The following TPPP2 variants were observed in gnomAD, a reference collection of about 807,000 sequenced individuals.
TPPP2 encodes tubulin polymerization-promoting protein family member 2.
Under a neutral mutation model 13.0 loss-of-function variants are expected in TPPP2, and 8 were observed. The observed-to-expected ratio is 0.62, with a 90% confidence interval of 0.36 to 1.11. The LOEUF (loss-of-function observed/expected upper bound fraction) is 1.11. Ranked by LOEUF, TPPP2 falls within the 50% of genes most tolerant of loss-of-function variation. TPPP2 has a pLI of 0.02. For synonymous variants in TPPP2, 81 were observed against 81.8 expected, an observed-to-expected ratio of 0.99 and a Z score of 0.05; for missense variants, 213 against 216.9, an observed-to-expected ratio of 0.98 and a Z score of 0.11.
chr14:21,031,432 G>C lies in TPPP2; in HGVS notation c.327+267G>C, dbSNP rs180675343. On this transcript the variant is annotated intron_variant, in intron 3 of 3. Transcript: ENST00000321760. ...AGGCAATTAGGGCTTGGTAGCTTTTGGAGGACATTAGTGTAGAGAATTTGG... is the reference window on the plus strand; with the variant it reads ...AGGCAATTAGGGCTTGGTAGCTTTTCGAGGACATTAGTGTAGAGAATTTGG... 135 of 486,008 alleles carry C rather than the reference G, an allele frequency of 2.8e-4. 1 individual carries two copies. Among genetic ancestry groups the C allele is most frequent in the African/African-American group, 2.0e-3 (100 of 50,964 alleles). The allele number at this position is 486,008 out of a possible 1,614,324, so 30.1% of individuals were successfully genotyped here. A position where few individuals can be genotyped will look rare whatever the true frequency, so the allele number is the denominator to read the frequency against.
At chr14:21,033,093 C>T (rs1208376701), downstream of TPPP2, 3 of 414,196 alleles carry the variant, frequency 7.2e-6, no homozygotes, top group East Asian at 7.1e-5. Flanking sequence ...AGAGAAGATA[C>T]CTTGAAATGC....
rs777662896 is a variant in TPPP2 at position 21,032,289 on chromosome 14, C to T, written c.*212C>T. On this transcript the variant is annotated 3_prime_UTR_variant, in exon 4 of 4. Coordinates refer to ENST00000321760, the MANE Select transcript of TPPP2 (RefSeq NM_173846.5). Reference sequence around the variant, plus strand: ...TTCGCTCTGCTTAGCCTTATGCCTACCAGCCATCAGTTAGCATTCCTCCTC... The same window carrying T: ...TTCGCTCTGCTTAGCCTTATGCCTATCAGCCATCAGTTAGCATTCCTCCTC... 1 of 661,936 alleles carries T rather than the reference C, an allele frequency of 1.5e-6. No homozygotes were observed. Among genetic ancestry groups the T allele is most frequent in the Non-Finnish European group, 2.8e-6 (1 of 359,360 alleles). The allele number at this position is 661,936 out of a possible 1,614,324, so 41.0% of individuals were successfully genotyped here. A position where few individuals can be genotyped will look rare whatever the true frequency, so the allele number is the denominator to read the frequency against.
chr14:21,028,260 TG>T (rs1438179851), upstream of TPPP2, among the ~76,000 whole-genome samples: 1 of 152,028 alleles, frequency 6.6e-6, no homozygotes, highest in African/African-American at 2.4e-5. Context: ...TGTTTTGTTT[TG>T]TTTTGTTTTT....
At chr14:21,028,313 A>G (rs1883833638), upstream of TPPP2, 1 of 152,230 alleles carries the variant, frequency 6.6e-6, no homozygotes, top group Admixed American at 6.5e-5. Flanking sequence ...GTGCGCTGAC[A>G]CAATCCTAGT....
At chr14:21,034,863 C>G (rs1421539079), downstream of TPPP2, 1 of 153,136 alleles carries the variant, frequency 6.5e-6, no homozygotes, top group Non-Finnish European at 1.5e-5. Flanking sequence ...AGGAAAGAGG[C>G]ATTACTATCT....
chr14:21,036,034 C>T (rs758809090), downstream of TPPP2: 36 of 377,954 alleles, frequency 9.5e-5, no homozygotes, highest in Middle Eastern at 3.7e-4. Context: ...TACCTCACGG[C>T]AGTATGAGGA....
chr14:21,025,109 C>T lies in TPPP2; in HGVS notation n.236+765C>T, dbSNP rs892599933. The stretch of plus-strand genomic sequence containing the variant: ...GGCTCGGGCTTCCCGCAGACCCGCC[C>T]CCGGCCCGCCCCAGCCCGCCCACGG... On this transcript the variant is annotated intron_variant and non_coding_transcript_variant, in intron 1 of 1. Coordinates refer to the TPPP2 transcript ENST00000533755. This position sits in a 1 kb window ranked among gnomAD's most constrained non-coding sequence, Gnocchi z 5.1. 1.0e-6 allele frequency: 1 copy of T among 985,088 alleles called. No individual in the cohort carries two copies. Among genetic ancestry groups the T allele is most frequent in the Non-Finnish European group, 1.2e-6 (1 of 829,688 alleles). 61.0% of individuals were successfully genotyped at this position (985,088 alleles called of 1,614,324 possible). A position where few individuals can be genotyped will look rare whatever the true frequency, so the allele number is the denominator to read the frequency against.
At chr14:21,030,398 G>T in intron 1 of TPPP2, 94 bp downstream of exon 1, 1 of 619,960 alleles carries the variant, frequency 1.6e-6, no homozygotes, top group Non-Finnish European at 2.8e-6. Flanking sequence ...TCATGCTGTA[G>T]TTGCGTAGGT....
At chr14:21,031,507 G>A (rs1434077052) in intron 3 of TPPP2, among the ~76,000 whole-genome samples, 2 of 152,126 alleles carry the variant, frequency 1.3e-5, no homozygotes, top group Non-Finnish European at 2.9e-5. Context: ...TTAATCTCAG[G>A]CCTCCTGCCT....
Position 21,025,161 on chromosome 14 carries a change from CA to C in TPPP2, n.236+818del, listed in dbSNP as rs1299225007. 64 of 947,950 alleles carry C rather than the reference CA, an allele frequency of 6.8e-5. No individual in the cohort carries two copies. The highest frequency in any genetic ancestry group is 7.4e-5 in the Non-Finnish European group (59 of 795,788). 58.7% of individuals were successfully genotyped at this position (947,950 alleles called of 1,614,324 possible). ...CGCTAGGCTCCCCGCAGACCCGCCCCAGACCCCCAGTAAACACGCCCCCCCT... is the reference window on the plus strand; with the variant it reads ...CGCTAGGCTCCCCGCAGACCCGCCCCGACCCCCAGTAAACACGCCCCCCCT... On this transcript the variant is annotated intron_variant and non_coding_transcript_variant, in intron 1 of 1. Transcript: ENST00000533755. This position sits in a 1 kb window ranked among gnomAD's most constrained non-coding sequence, Gnocchi z 5.1.
chr14:21,027,108 G>A (rs909149093), upstream of TPPP2, among the ~76,000 whole-genome samples: 4 of 152,206 alleles, frequency 2.6e-5, no homozygotes, highest in African/African-American at 9.7e-5. Context: ...GGGCAGGCAG[G>A]AGATGGGAAA....
upstream of TPPP2, chr14:21,025,234 G>GAAA: frequency 1.2e-6 from 1 of 828,026 alleles, no homozygotes; most frequent in Non-Finnish European, 1.5e-6. The surrounding 1 kb of genome is among the most constrained non-coding windows in gnomAD (Gnocchi z 5.1). Flanking sequence ...TGCTGGGGCC[G>GAAA]GGGGGCGAGG....
intron 1 of TPPP2, chr14:21,024,760 G>T: frequency 8.1e-6 from 8 of 985,530 alleles, no homozygotes; most frequent in Non-Finnish European, 8.4e-6. Context: ...GTCCCTACGA[G>T]TCCCTACGCA....
chr14:21,033,074 G>A (rs947627658), downstream of TPPP2: 7 of 444,548 alleles, frequency 1.6e-5, no homozygotes, highest in Non-Finnish European at 2.7e-5. Flanking sequence ...AACCTCTGGG[G>A]AATGGGTGAG....
downstream of TPPP2, chr14:21,035,721 C>T (rs996219290): frequency 2.2e-6 from 1 of 454,042 alleles, no homozygotes; most frequent in African/African-American, 2.0e-5. Context: ...CACTTTCTGA[C>T]AGCACAAACC....
downstream of TPPP2, chr14:21,036,198 T>G (rs763325569): frequency 1.1e-5 from 5 of 456,322 alleles, no homozygotes; most frequent in South Asian, 7.7e-5. Flanking sequence ...CAGTGGATGC[T>G]CTCGTCTCGC....
intron 3 of TPPP2, 123 bp downstream of exon 3, chr14:21,031,288 A>T: frequency 7.7e-7 from 1 of 1,303,322 alleles, no homozygotes; most frequent in Non-Finnish European, 1.0e-6. Context: ...TTTAGAGATC[A>T]TCTAGACATT....
upstream of TPPP2, among the ~76,000 whole-genome samples, chr14:21,026,988 G>A (rs964762750): frequency 3.5e-4 from 54 of 152,140 alleles, no homozygotes; most frequent in Non-Finnish European, 6.6e-4. Context: ...GTCAAAAGTC[G>A]TCTTACTTGG....
chr14:21,032,055 C>G lies in TPPP2; in HGVS notation c.491C>G (p.Thr164Ser). The G allele has an allele frequency of 6.2e-7, 1 of 1,613,866 alleles. No homozygotes were observed. Among genetic ancestry groups the G allele is most frequent in the Non-Finnish European group, 8.5e-7 (1 of 1,179,826 alleles). Reference protein sequence around the residue: ...GYVSGYKGSGTYDKKTK With the variant: ...GYVSGYKGSGSYDKKTK ...GTGAGTGGTTACAAGGGTTCTGGCA[C>G]CTACGATAAGAAGACCAAGTAGAGA... The change falls in exon 4 of 4, where the codon ACC becomes AGC. Residue 164 changes from threonine (T) to serine (S), a missense_variant. By Grantham distance (58) the Thr-to-Ser change is moderately conservative (BLOSUM62 1). Transcript: ENST00000321760.
Sources: gnomAD v4.1 joint callset for allele counts (sites outside exome capture counted in the v4.1 genomes callset) on GRCh38, gnomAD v4.1.1 for gene constraint, Gnocchi (gnomAD v3.1) non-coding constraint, MANE v1.5 for transcripts, NCBI Gene and HGNC (gene_info 2026-07-23, HGNC 2026-07-21) for gene names.